CA10: variants seen among roughly 807,000 people sequenced by gnomAD.
The protein encoded by CA10 is carbonic anhydrase 10 (inactive), also known as carbonic anhydrase-related protein 10.
CA10 carries 14 observed loss-of-function variants against 44.2 expected under a neutral mutation model. The ratio of observed to expected loss-of-function variants is 0.32; its 90% CI spans 0.21 to 0.50. The LOEUF (loss-of-function observed/expected upper bound fraction) is 0.50, where lower values mean the gene tolerates loss of function less well. Among genes scored for constraint, CA10 ranks in the 20% least tolerant of loss-of-function variants. The pLI is 0.99. For synonymous variants in CA10, 159 were observed against 141.6 expected (o/e 1.12, Z -0.87); for missense variants, 350 against 409.7 (o/e 0.85, Z 1.26).
intron 3 of CA10, among the ~76,000 whole-genome samples, chr17:51,875,404 A>C (rs974945109): frequency 6.6e-6 from 1 of 152,200 alleles, no homozygotes. Context: ...ACCGTGATAC[A>C]CTTAACACTT....
chr17:52,011,067 T>C (rs1199605342), intron 2 of CA10, among the ~76,000 whole-genome samples: 2 of 151,892 alleles, frequency 1.3e-5, no homozygotes, highest in Admixed American at 6.6e-5. Flanking sequence ...GGAAGTTACT[T>C]AGCCCTTCTG....
chr17:51,836,550 C>T (rs1177780130), intron 3 of CA10, among the ~76,000 whole-genome samples: 2 of 152,194 alleles, frequency 1.3e-5, no homozygotes, highest in East Asian at 1.9e-4. Context: ...CAGGTCTTTC[C>T]CCCACTCGCC....
chr17:51,663,559 C>T (rs149234637), intron 4 of CA10, among the ~76,000 whole-genome samples: 54 of 152,276 alleles, frequency 3.5e-4, no homozygotes, highest in African/African-American at 1.3e-3. Context: ...AATTTCTTCA[C>T]AGGCAAAACT....
At chr17:51,903,048 T>C (rs1305326912) in intron 3 of CA10, among the ~76,000 whole-genome samples, 2 of 152,192 alleles carry the variant, frequency 1.3e-5, no homozygotes, top group Non-Finnish European at 2.9e-5. Context: ...GGATGCACAG[T>C]TAATACAGAC....
chr17:52,146,699 TATA>T (rs1287311477), intron 1 of CA10, among the ~76,000 whole-genome samples: 1 of 134,482 alleles, frequency 7.4e-6, no homozygotes, highest in Non-Finnish European at 1.6e-5. Flanking sequence ...AATAAATAAA[TATA>T]AAAAAATAAA....
intron 4 of CA10, among the ~76,000 whole-genome samples, chr17:51,738,751 G>A (rs1490138375): frequency 1.3e-5 from 2 of 152,300 alleles, no homozygotes; most frequent in Non-Finnish European, 2.9e-5. Flanking sequence ...ACAAATGCAG[G>A]AAATGTGATT....
chr17:51,781,501 G>A (rs556101456), intron 3 of CA10, among the ~76,000 whole-genome samples: 4 of 152,272 alleles, frequency 2.6e-5, no homozygotes, highest in Admixed American at 1.3e-4. Flanking sequence ...CTTCAATGGA[G>A]GCTCTAGATC....
At chr17:52,030,817 C>A (rs1986443718) in intron 2 of CA10, among the ~76,000 whole-genome samples, 1 of 152,120 alleles carries the variant, frequency 6.6e-6, no homozygotes, top group African/African-American at 2.4e-5. Flanking sequence ...AGCCTTTGGG[C>A]TCCAGAATTT....
At chr17:52,061,662 C>G (rs1038084437) in intron 2 of CA10, among the ~76,000 whole-genome samples, 1 of 152,100 alleles carries the variant, frequency 6.6e-6, no homozygotes. Context: ...TAAGTGTTCA[C>G]TGGTTCCTCT....
At chr17:51,813,531 A>G (rs1907453307) in intron 3 of CA10, among the ~76,000 whole-genome samples, 1 of 152,178 alleles carries the variant, frequency 6.6e-6, no homozygotes, top group South Asian at 2.1e-4. Context: ...ACTCACTCTC[A>G]GGTGACCCTA....
intron 3 of CA10, among the ~76,000 whole-genome samples, chr17:51,907,736 C>T (rs1440005032): frequency 1.3e-5 from 2 of 152,128 alleles, no homozygotes; most frequent in African/African-American, 4.8e-5. Context: ...GAAGGGTCAT[C>T]CCAGTTTCAG....
chr17:51,956,732 G>C (rs1444737298), intron 2 of CA10, among the ~76,000 whole-genome samples: 1 of 152,104 alleles, frequency 6.6e-6, no homozygotes, highest in Non-Finnish European at 1.5e-5. Flanking sequence ...ACATTTGGCA[G>C]TGGTGAGAGG....
At chr17:51,776,160 T>TA (rs2143666354) in intron 3 of CA10, among the ~76,000 whole-genome samples, 1 of 152,174 alleles carries the variant, frequency 6.6e-6, no homozygotes, top group East Asian at 1.9e-4. Context: ...AGGAGTTTGA[T>TA]ACCAGCCTGA....
chr17:52,124,280 G>A (rs1299522022), intron 1 of CA10, among the ~76,000 whole-genome samples: 1 of 152,152 alleles, frequency 6.6e-6, no homozygotes, highest in African/African-American at 2.4e-5. Context: ...ACAATTCTAT[G>A]AAGAAGGCAA....
At chr17:51,745,666 C>A (rs537483113) in intron 4 of CA10, among the ~76,000 whole-genome samples, 1 of 152,142 alleles carries the variant, frequency 6.6e-6, no homozygotes, top group African/African-American at 2.4e-5. Context: ...TTACAAAGCA[C>A]CCTTATCATA....
At chr17:52,023,552 C>G (rs1053241546) in intron 2 of CA10, among the ~76,000 whole-genome samples, 1 of 151,944 alleles carries the variant, frequency 6.6e-6, no homozygotes, top group Non-Finnish European at 1.5e-5. Context: ...TGGACATGGC[C>G]TTAGCAAAGA....
chr17:51,914,843 G>C (rs915843336), intron 3 of CA10, among the ~76,000 whole-genome samples: 5 of 152,184 alleles, frequency 3.3e-5, no homozygotes, highest in South Asian at 4.1e-4. Flanking sequence ...TGTAACTCTG[G>C]GTAAATTATT....
At chr17:51,921,408 CTA>C (rs1216588750) in intron 3 of CA10, among the ~76,000 whole-genome samples, 1 of 152,206 alleles carries the variant, frequency 6.6e-6, no homozygotes, top group East Asian at 1.9e-4. Context: ...TAGTTCTCCC[CTA>C]TGTCTGAGCC....
intron 2 of CA10, among the ~76,000 whole-genome samples, chr17:52,033,820 T>C (rs996174469): frequency 1.3e-5 from 2 of 152,180 alleles, no homozygotes; most frequent in African/African-American, 4.8e-5. Context: ...TTATATACAA[T>C]AGGGTTTGCA....
Sources: allele counts gnomAD v4.1 joint callset (sites outside exome capture counted in the v4.1 genomes callset), GRCh38; gene constraint gnomAD v4.1.1; transcripts MANE v1.5; gene names NCBI Gene and HGNC (gene_info 2026-07-23, HGNC 2026-07-21).